The following GLT6D1 variants were observed in gnomAD, a reference collection of about 807,000 sequenced individuals.
The protein encoded by GLT6D1 is putative glycosyltransferase 6 domain-containing protein 1.
Under a neutral mutation model 12.3 loss-of-function variants are expected in GLT6D1, and 9 were observed. The ratio of observed to expected loss-of-function variants is 0.73; its 90% confidence interval spans 0.44 to 1.27. The LOEUF is 1.27. GLT6D1 is among the 50% of genes most tolerant of loss of function. The pLI, the probability that GLT6D1 is intolerant of heterozygous loss-of-function variation, is 0.00. For missense variants in GLT6D1, 335 were observed against 346.2 expected, an observed-to-expected ratio of 0.97 and a Z score of 0.26; for synonymous variants, 128 against 132.3, an observed-to-expected ratio of 0.97 and a Z score of 0.23.
upstream of GLT6D1, among the ~76,000 whole-genome samples, chr9:135,640,336 A>G (rs1274067572): frequency 6.6e-6 from 1 of 152,228 alleles, no homozygotes; most frequent in Non-Finnish European, 1.5e-5. Context: ...TCTGGAAAGA[A>G]TGAGTTAAAT....
At chr9:135,632,686 GA>G (rs1439833863) in intron 2 of GLT6D1, among the ~76,000 whole-genome samples, 1 of 132,194 alleles carries the variant, frequency 7.6e-6, no homozygotes, top group Non-Finnish European at 1.6e-5. Context: ...TTTTTTTTTC[GA>G]GACAGAGTCT....
chr9:135,632,144 T>TTTTC (rs1330797092), intron 2 of GLT6D1, among the ~76,000 whole-genome samples: 80 of 151,496 alleles, frequency 5.3e-4, no homozygotes, highest in African/African-American at 1.8e-3. Flanking sequence ...GCAATTTTTT[T>TTTTC]TTTTTTGAGA....
chr9:135,634,526 A>C (rs976945857), intron 2 of GLT6D1, among the ~76,000 whole-genome samples: 12 of 133,816 alleles, frequency 9.0e-5, no homozygotes, highest in African/African-American at 3.4e-4. Context: ...TTTTTAGAGA[A>C]GATTCAGCTT....
intron 2 of GLT6D1, among the ~76,000 whole-genome samples, chr9:135,635,707 A>G (rs1833759198): frequency 6.6e-6 from 1 of 152,216 alleles, no homozygotes; most frequent in Non-Finnish European, 1.5e-5. Context: ...CCTCTCAGCT[A>G]ACAGAGCAAG....
Position 135,626,225 on chromosome 9 carries a change from G to C in GLT6D1, c.120-19C>G. On this transcript the variant is annotated intron_variant, in intron 3 of 4. Coordinates refer to ENST00000371763, the MANE Select transcript of GLT6D1 (RefSeq NM_182974.3). ...GCGTTTTCTGTGGAACAAGAACCAA[G>C]TTAAACAGGGAGTGCTTTACTGAGG... The C allele has an allele frequency of 1.2e-6, 2 of 1,613,024 alleles. No homozygotes were observed. Among genetic ancestry groups the C allele is most frequent in the Non-Finnish European group, 8.5e-7 (1 of 1,179,546 alleles).
At chr9:135,627,248 C>T (rs536081755) in intron 3 of GLT6D1, among the ~76,000 whole-genome samples, 1 of 151,914 alleles carries the variant, frequency 6.6e-6, no homozygotes, top group Non-Finnish European at 1.5e-5. Flanking sequence ...TAAAAAAAAA[C>T]CAATATCTCC....
chr9:135,626,789 G>A (rs1366703495), intron 3 of GLT6D1, among the ~76,000 whole-genome samples: 4 of 152,046 alleles, frequency 2.6e-5, no homozygotes, highest in Admixed American at 6.6e-5. Context: ...GTCCAAAACC[G>A]GAGCGAGCCA....
intron 4 of GLT6D1, among the ~76,000 whole-genome samples, chr9:135,625,863 C>A (rs1257440009): frequency 1.3e-5 from 2 of 152,210 alleles, no homozygotes; most frequent in Non-Finnish European, 2.9e-5. Context: ...GCAAGACTGT[C>A]ACTAAAAGTC....
At chr9:135,638,018 C>T (rs780509167) in intron 2 of GLT6D1, among the ~76,000 whole-genome samples, 29 of 152,256 alleles carry the variant, frequency 1.9e-4, no homozygotes, top group South Asian at 6.2e-4. Context: ...TCTGTTTTCA[C>T]GCTGCTGATA....
intron 3 of GLT6D1, among the ~76,000 whole-genome samples, chr9:135,628,026 T>C (rs569271228): frequency 9.2e-4 from 140 of 152,300 alleles, no homozygotes; most frequent in African/African-American, 3.2e-3. Flanking sequence ...CCATTTTAAA[T>C]TACTATTTGT....
chr9:135,631,056 A>G (rs1198598093), intron 3 of GLT6D1, among the ~76,000 whole-genome samples: 1 of 152,118 alleles, frequency 6.6e-6, no homozygotes, highest in Non-Finnish European at 1.5e-5. Context: ...AATAACCCCA[A>G]AGCTACATAG....
intron 2 of GLT6D1, among the ~76,000 whole-genome samples, chr9:135,637,622 G>A (rs4842017): frequency 0.98 from 148,665 of 152,240 alleles, 72,694 homozygotes; most frequent in Middle Eastern, 1. Flanking sequence ...CCTTGTTTTC[G>A]TTGCAATTTC....
intron 2 of GLT6D1, among the ~76,000 whole-genome samples, chr9:135,637,866 A>T (rs2119154713): frequency 6.6e-6 from 1 of 152,332 alleles, no homozygotes; most frequent in Middle Eastern, 3.4e-3. Flanking sequence ...ATTTTTAAAA[A>T]CTATTATCTG....
rs145244779 is a variant in GLT6D1 at position 135,635,853 on chromosome 9, T to C, written c.71+3264A>G. Among the ~76,000 whole-genome samples, 588 of 152,388 alleles carry C rather than the reference T, an allele frequency of 3.9e-3. 2 individuals are homozygous for C. Among genetic ancestry groups the C allele is most frequent in the African/African-American group, 8.0e-3 (334 of 41,592 alleles). ...CAATCCATTCCCACGTGGATCACTGTGGCCCCCTCTCTTGCTTAACTATGA... is the reference window on the plus strand; with the variant it reads ...CAATCCATTCCCACGTGGATCACTGCGGCCCCCTCTCTTGCTTAACTATGA... On this transcript the variant is annotated intron_variant, in intron 2 of 4. Coordinates refer to ENST00000371763, the MANE Select transcript of GLT6D1 (RefSeq NM_182974.3).
At chr9:135,626,788 C>G (rs918473817) in intron 3 of GLT6D1, among the ~76,000 whole-genome samples, 1 of 152,116 alleles carries the variant, frequency 6.6e-6, no homozygotes, top group African/African-American at 2.4e-5. Flanking sequence ...AGTCCAAAAC[C>G]GGAGCGAGCC....
At chr9:135,631,198 A>T (rs1451034855) in intron 3 of GLT6D1, among the ~76,000 whole-genome samples, 1 of 152,208 alleles carries the variant, frequency 6.6e-6, no homozygotes, top group Non-Finnish European at 1.5e-5. Flanking sequence ...CTCGCACTGC[A>T]TAAACCAGGA....
intron 3 of GLT6D1, among the ~76,000 whole-genome samples, chr9:135,628,409 C>A (rs1158570739): frequency 6.6e-6 from 1 of 152,018 alleles, no homozygotes; most frequent in Non-Finnish European, 1.5e-5. Context: ...ATTGAACCAA[C>A]CTTGCATTCC....
chr9:135,629,986 A>G (rs1588201694), intron 3 of GLT6D1, among the ~76,000 whole-genome samples: 2 of 152,332 alleles, frequency 1.3e-5, no homozygotes, highest in Middle Eastern at 3.4e-3. Flanking sequence ...CTTTGAATCT[A>G]AAATGTCTCT....
chr9:135,630,232 T>C (rs1435196048), intron 3 of GLT6D1, among the ~76,000 whole-genome samples: 4 of 151,892 alleles, frequency 2.6e-5, no homozygotes, highest in Admixed American at 1.3e-4. Flanking sequence ...GGTGAAACCC[T>C]GTCTCTACTA....
Sources: gnomAD v4.1 joint callset for allele counts (sites outside exome capture counted in the v4.1 genomes callset) on GRCh38, gnomAD v4.1.1 for gene constraint, MANE v1.5 for transcripts, NCBI Gene and HGNC (gene_info 2026-07-23, HGNC 2026-07-21) for gene names.